Variants in PDE11A observed in about 807,000 individuals in gnomAD.
The protein encoded by PDE11A is dual 3',5'-cyclic-AMP and -GMP phosphodiesterase 11A.
In PDE11A, 100 loss-of-function variants were observed where a neutral mutation model predicts 100.5. The ratio of observed to expected loss-of-function variants is 1.00; its 90% CI spans 0.85 to 1.18. The LOEUF (loss-of-function observed/expected upper bound fraction) is 1.18, where lower values mean the gene tolerates loss of function less well. Ranked by LOEUF, PDE11A falls within the 50% of genes most tolerant of loss-of-function variation. The pLI is 0.00. For missense variants in PDE11A, 1,141 were observed against 1,152.6 expected (o/e 0.99, Z 0.15); for synonymous variants, 381 against 420.8 (o/e 0.91, Z 1.16).
chr2:177,875,759 C>T lies in PDE11A; in HGVS notation c.1367+100G>A, dbSNP rs558751578. ...GAGTCACGATATTTGGTTGTGCTTG[C>T]TAATATAAAGAACTACTACTATCTT... On this transcript the variant is annotated intron_variant, in intron 5 of 19. Transcript: ENST00000286063. The T allele has an allele frequency of 1.3e-4, 101 of 793,984 alleles. No homozygotes were observed. In the Middle Eastern group the frequency reaches 1.8e-3, roughly 14 times the overall value. The allele number at this position is 793,984 out of a possible 1,614,324, so 49.2% of individuals were successfully genotyped here.
chr2:177,648,609 G>GA (rs1415006198), intron 19 of PDE11A, among the ~76,000 whole-genome samples: 1 of 151,900 alleles, frequency 6.6e-6, no homozygotes, highest in African/African-American at 2.4e-5. Flanking sequence ...AGAAAATATT[G>GA]AAAAAGAATA....
chr2:177,666,240 A>G (rs2080579422), intron 18 of PDE11A, among the ~76,000 whole-genome samples: 1 of 152,224 alleles, frequency 6.6e-6, no homozygotes, highest in Non-Finnish European at 1.5e-5. Flanking sequence ...AGCATGCATC[A>G]GCACTTCATT....
chr2:177,899,959 C>G (rs1213600307), intron 3 of PDE11A, among the ~76,000 whole-genome samples: 1 of 151,708 alleles, frequency 6.6e-6, no homozygotes, highest in Non-Finnish European at 1.5e-5. Context: ...ATCTTAAGCT[C>G]TAACTTGAAA....
At chr2:178,043,250 T>C (rs987440821) in intron 1 of PDE11A, among the ~76,000 whole-genome samples, 31 of 152,188 alleles carry the variant, frequency 2.0e-4, no homozygotes, top group Admixed American at 4.6e-4. Flanking sequence ...ATGATTCACA[T>C]TGATGGCTTA....
At chr2:178,007,690 A>G (rs1372360069) in intron 2 of PDE11A, among the ~76,000 whole-genome samples, 1 of 151,772 alleles carries the variant, frequency 6.6e-6, no homozygotes, top group Non-Finnish European at 1.5e-5. Context: ...TTTAATTATT[A>G]TTTTCATTTA....
chr2:177,719,055 G>A (rs973919686), intron 12 of PDE11A, among the ~76,000 whole-genome samples: 5 of 152,156 alleles, frequency 3.3e-5, no homozygotes, highest in African/African-American at 1.2e-4. Flanking sequence ...TCATAACATT[G>A]GTTGTGCTTT....
chr2:177,929,886 C>T (rs2085182611), intron 2 of PDE11A, among the ~76,000 whole-genome samples: 1 of 152,102 alleles, frequency 6.6e-6, no homozygotes, highest in Non-Finnish European at 1.5e-5. Context: ...AGCAATAATC[C>T]TACCATTGTA....
intron 19 of PDE11A, among the ~76,000 whole-genome samples, chr2:177,660,833 A>G (rs1185374849): frequency 6.6e-6 from 1 of 152,244 alleles, no homozygotes; most frequent in Admixed American, 6.5e-5. Flanking sequence ...TTTTAAAACC[A>G]TGAAGTAAAA....
chr2:177,788,446 A>G (rs2082574758), intron 9 of PDE11A, among the ~76,000 whole-genome samples: 1 of 151,734 alleles, frequency 6.6e-6, no homozygotes, highest in Admixed American at 6.6e-5. Context: ...GGAAAGATCC[A>G]AAATTAACAC....
At chr2:177,871,459 C>G (rs1365356007) in intron 5 of PDE11A, among the ~76,000 whole-genome samples, 1 of 151,804 alleles carries the variant, frequency 6.6e-6, no homozygotes, top group African/African-American at 2.4e-5. Flanking sequence ...TAGAACGCTG[C>G]TCTGTCATGG....
intron 2 of PDE11A, among the ~76,000 whole-genome samples, chr2:177,927,930 C>T (rs1370779374): frequency 1.3e-5 from 2 of 151,828 alleles, no homozygotes; most frequent in African/African-American, 4.8e-5. Context: ...CATGGAGAAA[C>T]CCCGTCTCTA....
intron 2 of PDE11A, among the ~76,000 whole-genome samples, chr2:178,103,157 T>C (rs973914217): frequency 7.4e-5 from 11 of 148,942 alleles, no homozygotes; most frequent in African/African-American, 2.7e-4. Context: ...ATTTTGTTGT[T>C]GTTGTTGTTA....
chr2:177,760,692 T>C (rs1048894477), intron 10 of PDE11A, among the ~76,000 whole-genome samples: 1 of 152,212 alleles, frequency 6.6e-6, no homozygotes, highest in Non-Finnish European at 1.5e-5. Context: ...GGTGGTTACT[T>C]TGTCTTTTTA....
chr2:178,006,831 G>GA (rs1178937302), intron 2 of PDE11A, among the ~76,000 whole-genome samples: 1 of 150,712 alleles, frequency 6.6e-6, no homozygotes, highest in Non-Finnish European at 1.5e-5. Context: ...CAAGGGGGGG[G>GA]GGGGAAGCCA....
At chr2:177,955,939 C>G (rs2085556341) in intron 2 of PDE11A, among the ~76,000 whole-genome samples, 1 of 152,118 alleles carries the variant, frequency 6.6e-6, no homozygotes, top group Non-Finnish European at 1.5e-5. Flanking sequence ...AAATGTTAGA[C>G]CTAAAACCAT....
rs79489529 is a variant in PDE11A, at chr2:177,718,492, G to A, written c.2044-6614C>T. ...AGGACGTTATTCTTGAGTAGGAAGA[G>A]ATTGATACTGCAGAGCCATTGGATA... On this transcript the variant is annotated intron_variant, in intron 12 of 19. Coordinates refer to ENST00000286063, the MANE Select transcript of PDE11A (RefSeq NM_016953.4). Among the ~76,000 whole-genome samples, 1,373 of 152,296 alleles carry A rather than the reference G, an allele frequency of 9.0e-3. 21 individuals carry two copies. The highest frequency in any genetic ancestry group is 0.031 in the African/African-American group (1,290 of 41,558).
chr2:177,627,790 A>C lies in PDE11A; in HGVS notation c.*1617T>G. On this transcript the variant is annotated 3_prime_UTR_variant, in exon 20 of 20. Transcript: ENST00000286063. ...GAACCCAGGAAGCAGAGGTTGCAGT[A>C]AGCCGAGATCACGCCATTGCACTCC... 1 of 152,248 alleles carries C rather than the reference A, an allele frequency of 6.6e-6. No homozygotes were observed. Among genetic ancestry groups the C allele is most frequent in the African/African-American group, 2.4e-5 (1 of 41,454 alleles). The allele number at this position is 152,248 out of a possible 1,614,324, so 9.4% of individuals were successfully genotyped here. A position where few individuals can be genotyped will look rare whatever the true frequency, so the allele number is the denominator to read the frequency against.
intron 1 of PDE11A, among the ~76,000 whole-genome samples, chr2:178,051,689 CA>C (rs1259808181): frequency 6.6e-6 from 1 of 151,014 alleles, no homozygotes; most frequent in South Asian, 2.1e-4. Flanking sequence ...AAAACAACGA[CA>C]AAAAAAAGCA....
At chr2:178,069,133 C>A (rs1035537927) in intron 1 of PDE11A, among the ~76,000 whole-genome samples, 3 of 151,976 alleles carry the variant, frequency 2.0e-5, no homozygotes, top group African/African-American at 2.4e-5. Context: ...AAACTGTAAC[C>A]ATTTCCTGGG....
Sources: gnomAD v4.1 joint callset for allele counts (sites outside exome capture counted in the v4.1 genomes callset) on GRCh38, gnomAD v4.1.1 for gene constraint, MANE v1.5 for transcripts, NCBI Gene and HGNC (gene_info 2026-07-23, HGNC 2026-07-21) for gene names.